Variants in FBXW8 observed in about 807,000 individuals in gnomAD.
The protein encoded by FBXW8 is F-box and WD repeat domain containing 8, also known as F-box/WD repeat-containing protein 8.
A neutral mutation model predicts 65.3 loss-of-function variants in FBXW8; 57 were observed. The ratio of observed to expected loss-of-function variants is 0.87; its 90% confidence interval spans 0.71 to 1.09. The LOEUF is 1.09. Ranked by LOEUF, FBXW8 falls within the 50% of genes least tolerant of loss-of-function variation. The pLI is 0.00. For synonymous variants in FBXW8, 308 were observed against 330.2 expected (o/e 0.93, Z 0.73); for missense variants, 777 against 814.8 (o/e 0.95, Z 0.57).
At chr12:117,006,862 T>A (rs1953689097) in intron 7 of FBXW8, among the ~76,000 whole-genome samples, 1 of 152,204 alleles carries the variant, frequency 6.6e-6, no homozygotes, top group Non-Finnish European at 1.5e-5. Context: ...CTAAAAATTA[T>A]AAACAATCCA....
rs893391824 is a variant in FBXW8, at chr12:116,936,114, T to A, written c.423+7987T>A. On this transcript the variant is annotated intron_variant, in intron 2 of 10. Coordinates refer to ENST00000652555, the MANE Select transcript of FBXW8 (RefSeq NM_153348.3). This position sits in a 1 kb window ranked among gnomAD's most constrained non-coding sequence, Gnocchi z 4.6. ...GAAGAACAAGACAGTAGAGGTGATA[T>A]GGGGGTTGCACTTTTGAGTGGCCAG... Among the ~76,000 whole-genome samples, 2 of 152,082 alleles carry A rather than the reference T, an allele frequency of 1.3e-5. No individual in the cohort carries two copies. Among genetic ancestry groups the A allele is most frequent in the Non-Finnish European group, 2.9e-5 (2 of 68,014 alleles).
At chr12:116,977,418 TTAGTGA>T (rs1343847124) in intron 5 of FBXW8, 1 of 152,234 alleles carries the variant, frequency 6.6e-6, no homozygotes, top group African/African-American at 2.4e-5. Context: ...TTTACTTTTG[TTAGTGA>T]TAGCCTTTCA....
intron 2 of FBXW8, among the ~76,000 whole-genome samples, chr12:116,931,868 C>T (rs768445140): frequency 1.2e-4 from 18 of 151,920 alleles, no homozygotes; most frequent in Non-Finnish European, 2.4e-4. Flanking sequence ...ATTGCTGTGA[C>T]TAAGACTTCT....
chr12:116,957,298 G>A (rs183376918), intron 4 of FBXW8, among the ~76,000 whole-genome samples: 1 of 152,166 alleles, frequency 6.6e-6, no homozygotes, highest in Non-Finnish European at 1.5e-5. Context: ...AGTGAGCCAG[G>A]ATCATGCCAC....
intron 5 of FBXW8, among the ~76,000 whole-genome samples, chr12:116,980,914 C>T (rs532438290): frequency 6.6e-6 from 1 of 152,236 alleles, no homozygotes; most frequent in South Asian, 2.1e-4. Context: ...AAACAGGTAT[C>T]CTTTCAATTC....
At chr12:116,968,235 A>T (rs1360203337) in intron 5 of FBXW8, among the ~76,000 whole-genome samples, 3 of 152,186 alleles carry the variant, frequency 2.0e-5, no homozygotes, top group Non-Finnish European at 2.9e-5. Context: ...ATATATTGAG[A>T]AATCTTGCTG....
At chr12:116,971,704 T>C (rs145965165) in intron 5 of FBXW8, among the ~76,000 whole-genome samples, 136 of 152,292 alleles carry the variant, frequency 8.9e-4, no homozygotes, top group African/African-American at 3.1e-3. Flanking sequence ...TTTAAATCTG[T>C]GCTTTTGTTT....
chr12:116,915,482 C>A (rs1474566907), intron 1 of FBXW8, among the ~76,000 whole-genome samples: 1 of 152,022 alleles, frequency 6.6e-6, no homozygotes, highest in Admixed American at 6.6e-5. Flanking sequence ...TAAACAGCAG[C>A]CAGGTCACAG....
intron 1 of FBXW8, among the ~76,000 whole-genome samples, chr12:116,922,249 G>GT (rs896811931): frequency 6.6e-6 from 1 of 151,868 alleles, no homozygotes; most frequent in African/African-American, 2.4e-5. Context: ...CAGCCAACCA[G>GT]TTTTTTTCTT....
intron 6 of FBXW8, 139 bp downstream of exon 6, chr12:116,985,541 C>T: frequency 1.3e-6 from 1 of 786,756 alleles, no homozygotes; most frequent in African/African-American, 1.7e-5. Flanking sequence ...TAACTACAGC[C>T]TTACAAAATA....
intron 7 of FBXW8, among the ~76,000 whole-genome samples, chr12:116,997,925 C>T (rs900457061): frequency 1.3e-5 from 2 of 152,222 alleles, no homozygotes; most frequent in Non-Finnish European, 2.9e-5. Context: ...AAGCAATTCT[C>T]CTGCCTCAGC....
rs978678753 is a variant in FBXW8, at chr12:117,030,322, C to T, written c.*2150C>T. 1 of 152,194 alleles carries T rather than the reference C, an allele frequency of 6.6e-6. No homozygotes were observed. The highest frequency in any genetic ancestry group is 1.5e-5 in the Non-Finnish European group (1 of 68,040). 9.4% of individuals were successfully genotyped at this position (152,194 alleles called of 1,614,324 possible). On this transcript the variant is annotated 3_prime_UTR_variant, in exon 11 of 11. Transcript: ENST00000652555. Reference sequence around the variant, plus strand: ...AGATGGACCGGAGGGTTTTCTGCTTCCTTTCAACCAGATAACTTCCTAAGT... The same window carrying T: ...AGATGGACCGGAGGGTTTTCTGCTTTCTTTCAACCAGATAACTTCCTAAGT...
intron 8 of FBXW8, among the ~76,000 whole-genome samples, chr12:117,019,399 C>T (rs1005534957): frequency 5.9e-5 from 9 of 152,124 alleles, no homozygotes; most frequent in Admixed American, 3.3e-4. Context: ...ATACAGAGAA[C>T]TCTCAACTTG....
intron 2 of FBXW8, among the ~76,000 whole-genome samples, chr12:116,935,151 A>G (rs1390329514): frequency 2.6e-5 from 4 of 152,236 alleles, no homozygotes; most frequent in African/African-American, 9.6e-5. Context: ...AAACAAAGTA[A>G]TAAAGAAAAA....
chr12:117,021,390 A>T (rs1954090178), intron 8 of FBXW8, among the ~76,000 whole-genome samples: 1 of 152,154 alleles, frequency 6.6e-6, no homozygotes, highest in Admixed American at 6.5e-5. Flanking sequence ...TCAGTTTATC[A>T]TTGGACTGAC....
At chr12:116,986,373 C>T (rs547643867) in intron 6 of FBXW8, 1 of 152,320 alleles carries the variant, frequency 6.6e-6, no homozygotes, top group South Asian at 2.1e-4. Flanking sequence ...TTCCATAGTA[C>T]TTACTATTTA....
intron 7 of FBXW8, among the ~76,000 whole-genome samples, chr12:116,992,749 G>A (rs1953273718): frequency 7.3e-6 from 1 of 136,942 alleles, no homozygotes; most frequent in South Asian, 2.4e-4. Flanking sequence ...TTATGGTTGA[G>A]TATTATTCCA....
At chr12:116,973,053 T>A (rs1195904521) in intron 5 of FBXW8, among the ~76,000 whole-genome samples, 1 of 152,128 alleles carries the variant, frequency 6.6e-6, no homozygotes, top group Non-Finnish European at 1.5e-5. Flanking sequence ...TAAGTGAGCT[T>A]GAAGATGTTC....
At chr12:117,009,850 G>A (rs993917634) in intron 7 of FBXW8, among the ~76,000 whole-genome samples, 2 of 152,142 alleles carry the variant, frequency 1.3e-5, no homozygotes, top group African/African-American at 4.8e-5. Flanking sequence ...CAGTGGCTAT[G>A]CAAGCTTCAT....
Sources: gnomAD v4.1 joint callset for allele counts (sites outside exome capture counted in the v4.1 genomes callset) on GRCh38, gnomAD v4.1.1 for gene constraint, Gnocchi (gnomAD v3.1) non-coding constraint, MANE v1.5 for transcripts, NCBI Gene and HGNC (gene_info 2026-07-23, HGNC 2026-07-21) for gene names.